CADM2: variants seen among roughly 807,000 people sequenced by gnomAD.
The protein encoded by CADM2 is immunoglobulin superfamily member 4D.
Under a neutral mutation model 49.8 loss-of-function variants are expected in CADM2, and 12 were observed. The observed-to-expected ratio is 0.24, with a 90% CI of 0.15 to 0.39. The LOEUF (loss-of-function observed/expected upper bound fraction) is 0.39, where lower values mean the gene tolerates loss of function less well. CADM2 is among the 10% of genes least tolerant of loss of function. CADM2 has a pLI of 1.00. For synonymous variants in CADM2, 214 were observed against 175.4 expected (o/e 1.22, Z -1.74); for missense variants, 378 against 492.3 (o/e 0.77, Z 2.20).
chr3:85,465,180 A>AAAAC (rs1175059096), intron 1 of CADM2, among the ~76,000 whole-genome samples: 2 of 152,130 alleles, frequency 1.3e-5, no homozygotes, highest in Non-Finnish European at 1.5e-5. Context: ...AACAACAACA[A>AAAAC]AAACAAACAA....
chr3:85,089,187 A>G (rs1217241913), intron 1 of CADM2, among the ~76,000 whole-genome samples: 1 of 152,112 alleles, frequency 6.6e-6, no homozygotes, highest in East Asian at 1.9e-4. Flanking sequence ...TATATTTTGA[A>G]GAAATCTGAC....
chr3:85,876,134 A>G (rs1381208882), intron 3 of CADM2, among the ~76,000 whole-genome samples: 5 of 152,152 alleles, frequency 3.3e-5, no homozygotes, highest in African/African-American at 1.2e-4. Context: ...AAAAACTTTT[A>G]AATGTGTGCA....
At position 85,205,805 on chromosome 3, in the gene CADM2, A is replaced by G. The variant is rs1409178988; in HGVS notation, c.61+246137A>G. ...TATTTAATTTGGAGGTCAAATTAAC[A>G]TCACCTTCTGATGATTGAACCTGGA... On this transcript the variant is annotated intron_variant, in intron 1 of 9. Coordinates refer to ENST00000383699, the MANE Select transcript of CADM2 (RefSeq NM_001167675.2). Among the ~76,000 whole-genome samples, 7 of 152,184 alleles carry G rather than the reference A, an allele frequency of 4.6e-5. No homozygotes were observed. In the South Asian group the frequency reaches 8.3e-4, roughly 18 times the overall value.
intron 1 of CADM2, among the ~76,000 whole-genome samples, chr3:85,251,997 A>C (rs2042787159): frequency 6.6e-6 from 1 of 151,956 alleles, no homozygotes; most frequent in African/African-American, 2.4e-5. Context: ...AAAGCCTGGA[A>C]TTTGCCATGT....
chr3:85,020,886 A>G (rs528359113), intron 1 of CADM2, among the ~76,000 whole-genome samples: 35 of 152,128 alleles, frequency 2.3e-4, no homozygotes, highest in African/African-American at 7.9e-4. Context: ...AAATTTTACA[A>G]CTACATATTT....
chr3:85,720,540 T>G (rs1311362394), intron 1 of CADM2, among the ~76,000 whole-genome samples: 1 of 152,216 alleles, frequency 6.6e-6, no homozygotes, highest in Non-Finnish European at 1.5e-5. Flanking sequence ...TCTAAAACAT[T>G]TTAAACCATT....
At chr3:85,276,272 T>C (rs976030804) in intron 1 of CADM2, among the ~76,000 whole-genome samples, 27 of 151,362 alleles carry the variant, frequency 1.8e-4, no homozygotes, top group Admixed American at 6.6e-5. Flanking sequence ...TTCCATATGA[T>C]GTTATATAGT....
chr3:85,566,623 T>C (rs2062267717), intron 1 of CADM2, among the ~76,000 whole-genome samples: 1 of 152,172 alleles, frequency 6.6e-6, no homozygotes, highest in South Asian at 2.1e-4. Flanking sequence ...GAGAATCTAG[T>C]ATAAATGGAG....
chr3:85,037,430 A>G (rs2035266301), intron 1 of CADM2, among the ~76,000 whole-genome samples: 1 of 152,170 alleles, frequency 6.6e-6, no homozygotes, highest in Admixed American at 6.5e-5. Context: ...TGAACGTACA[A>G]GCTCTAGGCC....
chr3:85,332,037 C>A (rs1490842742), intron 1 of CADM2, among the ~76,000 whole-genome samples: 1 of 151,936 alleles, frequency 6.6e-6, no homozygotes, highest in East Asian at 1.9e-4. Context: ...ATGACCCTAC[C>A]CAAGCCATAG....
intron 1 of CADM2, among the ~76,000 whole-genome samples, chr3:85,311,387 T>TA (rs200828411): frequency 0.093 from 13,503 of 145,026 alleles, 1,251 homozygotes; most frequent in African/African-American, 0.26. Context: ...TTATTATTAT[T>TA]TTTTTTGAAA....
At chr3:85,872,396 A>T (rs2075963378) in intron 3 of CADM2, among the ~76,000 whole-genome samples, 1 of 152,104 alleles carries the variant, frequency 6.6e-6, no homozygotes, top group South Asian at 2.1e-4. Flanking sequence ...GTGTTCTTTT[A>T]TTGTGAATTT....
In CADM2 at chr3:86,071,881, C is replaced by A. The variant is rs1456304694; in HGVS notation, c.*5098C>A. 1 of 151,754 alleles carries A rather than the reference C, an allele frequency of 6.6e-6. No homozygotes were observed. The highest frequency in any genetic ancestry group is 2.1e-4 in the South Asian group (1 of 4,818). 9.4% of individuals were successfully genotyped at this position (151,754 alleles called of 1,614,324 possible). On this transcript the variant is annotated 3_prime_UTR_variant, in exon 10 of 10. Coordinates refer to ENST00000383699, the MANE Select transcript of CADM2 (RefSeq NM_001167675.2). Reference sequence around the variant, plus strand: ...AATTAAAATGGCAACACTTTGCGATCCAATCTGATATTTAATTTTTAAAAT... The same window carrying A: ...AATTAAAATGGCAACACTTTGCGATACAATCTGATATTTAATTTTTAAAAT...
rs567994941 is a variant in CADM2, at chr3:85,724,470, C to CAA, written c.62-2043_62-2042dup. 8.3e-4 allele frequency among the ~76,000 whole-genome samples: 119 copies of CAA among 143,686 alleles called. 1 individual carries two copies. Among genetic ancestry groups the CAA allele is most frequent in the African/African-American group, 3.0e-3 (117 of 39,426 alleles). The allele number at this position is 143,686 out of a possible 152,430, so 94.3% of individuals were successfully genotyped here. On this transcript the variant is annotated intron_variant, in intron 1 of 9. Coordinates refer to ENST00000383699, the MANE Select transcript of CADM2 (RefSeq NM_001167675.2). Reference sequence around the variant, plus strand: ...ATGCATGTTGCAAAACTGTTGTTAGCAAAAAAAAAACAGAATACAGCAAGA... The same window carrying CAA: ...ATGCATGTTGCAAAACTGTTGTTAGCAAAAAAAAAAAACAGAATACAGCAAGA...
chr3:85,790,597 G>C (rs1281605010), intron 2 of CADM2, among the ~76,000 whole-genome samples: 1 of 152,150 alleles, frequency 6.6e-6, no homozygotes, highest in Non-Finnish European at 1.5e-5. Context: ...GCCAAGCTTT[G>C]GGTACACAAG....
chr3:85,958,520 C>G (rs1351275639), intron 7 of CADM2, among the ~76,000 whole-genome samples: 5 of 151,886 alleles, frequency 3.3e-5, no homozygotes, highest in Admixed American at 3.3e-4. Flanking sequence ...ACCAGAAATA[C>G]CATTCGACCC....
At chr3:85,598,040 A>C (rs759420590) in intron 1 of CADM2, among the ~76,000 whole-genome samples, 1 of 152,026 alleles carries the variant, frequency 6.6e-6, no homozygotes, top group Non-Finnish European at 1.5e-5. Context: ...TTTAGATTAC[A>C]TCCTAAATCT....
chr3:85,959,758 G>A, intron 7 of CADM2, among the ~76,000 whole-genome samples: 1 of 151,970 alleles, frequency 6.6e-6, no homozygotes, highest in East Asian at 1.9e-4. Flanking sequence ...CCAGTATTCA[G>A]AGCAGTAACA....
Position 85,616,952 on chromosome 3 carries a change from A to G in CADM2, c.62-109570A>G, listed in dbSNP as rs886319396. Among the ~76,000 whole-genome samples the G allele has an allele frequency of 3.9e-5, 6 of 152,176 alleles. No homozygotes were observed. The South Asian group carries it at 6.2e-4, about 16-fold the overall frequency. The stretch of plus-strand genomic sequence containing the variant: ...ATTTAGCTTGGTAATTGAGTAACCA[A>G]TTATAAAGAAAAGCGTGTGTGGTGA... On this transcript the variant is annotated intron_variant, in intron 1 of 9. Coordinates refer to ENST00000383699, the MANE Select transcript of CADM2 (RefSeq NM_001167675.2).
Sources: gnomAD v4.1 joint callset for allele counts (sites outside exome capture counted in the v4.1 genomes callset) on GRCh38, gnomAD v4.1.1 for gene constraint, MANE v1.5 for transcripts, NCBI Gene and HGNC (gene_info 2026-07-23, HGNC 2026-07-21) for gene names.